Variants in LMNTD1 observed in about 807,000 individuals in gnomAD.
LMNTD1 encodes the protein lamin tail domain containing 1, also known as lamin tail domain-containing protein 1.
LMNTD1 carries 35 observed loss-of-function variants against 50.9 expected under a neutral mutation model. The observed-to-expected ratio is 0.69, with a 90% confidence interval of 0.53 to 0.91. LMNTD1 has a LOEUF of 0.91. Ranked by LOEUF, LMNTD1 falls within the 40% of genes least tolerant of loss-of-function variation. The pLI, the probability that LMNTD1 is intolerant of heterozygous loss-of-function variation, is 0.00. For synonymous variants in LMNTD1, 153 were observed against 161.9 expected (o/e 0.94, Z 0.42); for missense variants, 470 against 475.5 (o/e 0.99, Z 0.11).
At chr12:25,508,226 A>G (rs139883324) in intron 8 of LMNTD1, among the ~76,000 whole-genome samples, 289 of 152,328 alleles carry the variant, frequency 1.9e-3, no homozygotes, top group African/African-American at 6.8e-3. Flanking sequence ...CACCACTTGG[A>G]TCAAGAAATG....
intron 1 of LMNTD1, among the ~76,000 whole-genome samples, chr12:25,631,958 A>G (rs1946728024): frequency 6.6e-6 from 1 of 152,222 alleles, no homozygotes; most frequent in African/African-American, 2.4e-5. Context: ...AGAAAAAACA[A>G]TAAAAAATTC....
chr12:25,553,916 T>G (rs1943917753), upstream of LMNTD1, among the ~76,000 whole-genome samples: 1 of 151,926 alleles, frequency 6.6e-6, no homozygotes, highest in Non-Finnish European at 1.5e-5. Context: ...TCTTAAAAAC[T>G]GGCTAGGTAC....
chr12:25,578,429 ATCC>A (rs1226030449), intron 1 of LMNTD1, among the ~76,000 whole-genome samples: 1 of 152,254 alleles, frequency 6.6e-6, no homozygotes, highest in East Asian at 1.9e-4. Context: ...TTTCCTGGAG[ATCC>A]TCATAGGAGC....
At chr12:25,489,600 C>G (rs28563953) in intron 9 of LMNTD1, among the ~76,000 whole-genome samples, 11 of 150,022 alleles carry the variant, frequency 7.3e-5, no homozygotes, top group Non-Finnish European at 1.2e-4. Context: ...GCGTCGCTCA[C>G]GCTGGGAGCT....
At chr12:25,481,865 T>TCTCACACACACA (rs1555206617) in intron 9 of LMNTD1, among the ~76,000 whole-genome samples, 14 of 132,612 alleles carry the variant, frequency 1.1e-4, no homozygotes, top group African/African-American at 4.0e-4. Context: ...TATTGCCTCT[T>TCTCACACACACA]CACACACACA....
chr12:25,487,991 C>T (rs571882563), intron 9 of LMNTD1, among the ~76,000 whole-genome samples: 1 of 148,686 alleles, frequency 6.7e-6, no homozygotes, highest in African/African-American at 2.5e-5. Context: ...GGGGTTTCTG[C>T]CGAGAGATCC....
intron 9 of LMNTD1, among the ~76,000 whole-genome samples, chr12:25,484,732 C>A (rs1437938080): frequency 1.4e-5 from 2 of 143,538 alleles, no homozygotes; most frequent in Non-Finnish European, 3.0e-5. Context: ...TCAATTCCCA[C>A]CTATGAGTGA....
chr12:25,543,505 G>A (rs1286643488), intron 4 of LMNTD1, among the ~76,000 whole-genome samples: 2 of 151,818 alleles, frequency 1.3e-5, no homozygotes, highest in Admixed American at 6.6e-5. Flanking sequence ...TGCATAGAAA[G>A]TATTTGATAC....
At chr12:25,505,262 A>G (rs565658930) in intron 8 of LMNTD1, among the ~76,000 whole-genome samples, 1 of 152,284 alleles carries the variant, frequency 6.6e-6, no homozygotes, top group East Asian at 1.9e-4. Flanking sequence ...TTCTGAAATC[A>G]TATTTTTTAC....
At chr12:25,552,026 CA>C (rs1943776440) in intron 2 of LMNTD1, among the ~76,000 whole-genome samples, 1 of 152,006 alleles carries the variant, frequency 6.6e-6, no homozygotes, top group Admixed American at 6.5e-5. Context: ...CCTCTAAGAA[CA>C]AATATTTAAA....
intron 9 of LMNTD1, among the ~76,000 whole-genome samples, chr12:25,484,153 A>C (rs1435366566): frequency 6.6e-6 from 1 of 152,040 alleles, no homozygotes; most frequent in African/African-American, 2.4e-5. Context: ...ATCCAATTAG[A>C]GCTTTCAATT....
chr12:25,553,157 G>A lies in LMNTD1; in HGVS notation c.-119C>T. Reference sequence around the variant, plus strand: ...AGAACCACAATTCTCATGAGGATATGTAAGTACCAACATAGCCAATCCTGA... The same window carrying A: ...AGAACCACAATTCTCATGAGGATATATAAGTACCAACATAGCCAATCCTGA... On this transcript the variant is annotated 5_prime_UTR_variant, in exon 1 of 10. Coordinates refer to ENST00000458174, the MANE Select transcript of LMNTD1 (RefSeq NM_001145728.2). The A allele has an allele frequency of 6.2e-7, 1 of 1,607,830 alleles. No homozygotes were observed. Among genetic ancestry groups the A allele is most frequent in the East Asian group, 2.2e-5 (1 of 44,838 alleles).
At chr12:25,554,779 T>C (rs370322907), upstream of LMNTD1, among the ~76,000 whole-genome samples, 17 of 152,122 alleles carry the variant, frequency 1.1e-4, no homozygotes, top group African/African-American at 4.1e-4. Context: ...ATTACAATTA[T>C]CTGGCCAGGC....
At chr12:25,624,939 G>T (rs1946555417) in intron 1 of LMNTD1, among the ~76,000 whole-genome samples, 1 of 152,126 alleles carries the variant, frequency 6.6e-6, no homozygotes, top group Non-Finnish European at 1.5e-5. Flanking sequence ...TCATTGCTTT[G>T]TGGAAAAACG....
chr12:25,536,101 T>C (rs779019372), intron 4 of LMNTD1, among the ~76,000 whole-genome samples: 1 of 152,142 alleles, frequency 6.6e-6, no homozygotes, highest in African/African-American at 2.4e-5. Context: ...AGTGATTGAA[T>C]TGCAAGGGAG....
At chr12:25,488,519 T>C (rs1165733810) in intron 9 of LMNTD1, among the ~76,000 whole-genome samples, 8 of 146,964 alleles carry the variant, frequency 5.4e-5, no homozygotes, top group Non-Finnish European at 1.2e-4. Flanking sequence ...TTGGTTATTC[T>C]AGTTATACAT....
At chr12:25,598,925 AAAG>A (rs1461842537) in intron 1 of LMNTD1, among the ~76,000 whole-genome samples, 1 of 152,070 alleles carries the variant, frequency 6.6e-6, no homozygotes, top group Non-Finnish European at 1.5e-5. Context: ...TCAAAAATTT[AAAG>A]AAGAACTAAG....
intron 9 of LMNTD1, among the ~76,000 whole-genome samples, chr12:25,483,169 A>T (rs1323288336): frequency 6.6e-6 from 1 of 151,928 alleles, no homozygotes; most frequent in Non-Finnish European, 1.5e-5. Context: ...TCATGCCTAT[A>T]ATCTCAGCAC....
intron 9 of LMNTD1, among the ~76,000 whole-genome samples, chr12:25,495,879 A>G (rs935066744): frequency 6.6e-6 from 1 of 152,192 alleles, no homozygotes; most frequent in Non-Finnish European, 1.5e-5. Flanking sequence ...CAAAGGTTAT[A>G]TACTTTCTAA....
Sources: allele counts gnomAD v4.1 joint callset (sites outside exome capture counted in the v4.1 genomes callset), GRCh38; gene constraint gnomAD v4.1.1; transcripts MANE v1.5; gene names NCBI Gene and HGNC (gene_info 2026-07-23, HGNC 2026-07-21).